Variants in PLCL1 observed in about 807,000 individuals in gnomAD.
The protein encoded by PLCL1 is inactive phospholipase C-like protein 1.
A neutral mutation model predicts 84.4 loss-of-function variants in PLCL1; 41 were observed. That is an observed-to-expected ratio of 0.49 (90% CI 0.38 to 0.63). The LOEUF is 0.63. Among genes scored for constraint, PLCL1 ranks in the 30% least tolerant of loss-of-function variants. The pLI, the probability that PLCL1 is intolerant of heterozygous loss-of-function variation, is 0.00. For missense variants in PLCL1, 1,206 were observed against 1,367.8 expected (o/e 0.88, Z 1.87); for synonymous variants, 490 against 488.3 (o/e 1.00, Z -0.05).
chr2:197,980,027 T>C (rs1209326136), intron 1 of PLCL1, among the ~76,000 whole-genome samples: 1 of 152,058 alleles, frequency 6.6e-6, no homozygotes, highest in Non-Finnish European at 1.5e-5. Flanking sequence ...ATGACAACAT[T>C]GAGGGCAGGG....
rs184492645 is a variant in PLCL1, at chr2:197,805,465, C to T, written c.240+126C>T. On this transcript the variant is annotated intron_variant, in intron 1 of 5. Transcript: ENST00000428675. This position sits in a 1 kb window ranked among gnomAD's most constrained non-coding sequence, Gnocchi z 4.0. ...TTGTTTTCTCCCACCTCCTTCAACGCCAAACCTTCCTTCCTTATCCGGAGG... is the reference window on the plus strand; with the variant it reads ...TTGTTTTCTCCCACCTCCTTCAACGTCAAACCTTCCTTCCTTATCCGGAGG... The T allele has an allele frequency of 4.8e-5, 43 of 888,108 alleles. No individual in the cohort carries two copies. The East Asian group carries it at 1.4e-3, about 29-fold the overall frequency. The allele number at this position is 888,108 out of a possible 1,614,324, so 55.0% of individuals were successfully genotyped here.
chr2:197,947,362 C>T (rs1689300449), intron 1 of PLCL1, among the ~76,000 whole-genome samples: 2 of 151,492 alleles, frequency 1.3e-5, no homozygotes. Context: ...TGGCCCTGTC[C>T]CCAGAGTTTC....
intron 1 of PLCL1, among the ~76,000 whole-genome samples, chr2:198,035,673 C>A (rs1428203208): frequency 3.9e-5 from 6 of 152,136 alleles, no homozygotes; most frequent in African/African-American, 1.4e-4. Context: ...CTGATAAGAA[C>A]AAATAGATGA....
At chr2:198,012,778 G>A (rs919477274) in intron 1 of PLCL1, among the ~76,000 whole-genome samples, 46 of 150,980 alleles carry the variant, frequency 3.0e-4, no homozygotes, top group East Asian at 3.9e-4. Context: ...ACGAGTTTGA[G>A]TAAGAAGCAG....
At chr2:198,041,482 A>G (rs1040935442) in intron 1 of PLCL1, among the ~76,000 whole-genome samples, 1 of 152,186 alleles carries the variant, frequency 6.6e-6, no homozygotes, top group Non-Finnish European at 1.5e-5. Context: ...TCAGTAATTT[A>G]CTAAGCACAT....
At chr2:198,109,478 A>T (rs1171659856) in intron 5 of PLCL1, among the ~76,000 whole-genome samples, 1 of 151,816 alleles carries the variant, frequency 6.6e-6, no homozygotes, top group East Asian at 1.9e-4. Flanking sequence ...CAAAATGGAA[A>T]TTTTTCCTGT....
In PLCL1 at chr2:198,086,083, G is replaced by T; in HGVS notation, c.2566G>T (p.Ala856Ser). ...AACTAATCGAAGTGGAGGAGGAAAGGCACAGAAGCGCAGTCTTTCAGTGAG... is the reference window on the plus strand; with the variant it reads ...AACTAATCGAAGTGGAGGAGGAAAGTCACAGAAGCGCAGTCTTTCAGTGAG... The part of the protein sequence containing the change: ...AITNRSGGGK[A>S]QKRSLSVRMG... The change falls in exon 2 of 6, where the codon GCA (alanine) becomes TCA (serine). Residue 856 changes from alanine to serine, a missense_variant. By Grantham distance (99) the Ala-to-Ser change is moderately conservative. Transcript: ENST00000428675. The T allele has an allele frequency of 6.2e-7, 1 of 1,614,088 alleles. No individual in the cohort carries two copies. Among genetic ancestry groups the T allele is most frequent in the Non-Finnish European group, 8.5e-7 (1 of 1,179,986 alleles).
intron 3 of PLCL1, among the ~76,000 whole-genome samples, chr2:198,098,948 A>G (rs1044509982): frequency 6.6e-6 from 1 of 152,200 alleles, no homozygotes; most frequent in Non-Finnish European, 1.5e-5. Context: ...CATCTAATGC[A>G]TAAAGTAATG....
intron 1 of PLCL1, among the ~76,000 whole-genome samples, chr2:197,885,911 T>A (rs1255345240): frequency 6.6e-6 from 1 of 152,166 alleles, no homozygotes; most frequent in Non-Finnish European, 1.5e-5. Context: ...ACTTGTACAG[T>A]ATCCATTAGA....
At position 198,044,686 on chromosome 2, in the gene PLCL1, T is replaced by G. The variant is rs1195238592; in HGVS notation, c.241-39072T>G. On this transcript the variant is annotated intron_variant, in intron 1 of 5. Coordinates refer to ENST00000428675, the MANE Select transcript of PLCL1 (RefSeq NM_006226.4). Reference sequence around the variant, plus strand: ...GATTTTTAAAAGTGAGTCATTATCATGTAGAAATTTTGAAAAATGGAGAAA... The same window carrying G: ...GATTTTTAAAAGTGAGTCATTATCAGGTAGAAATTTTGAAAAATGGAGAAA... Among the ~76,000 whole-genome samples, 4 of 152,176 alleles carry G rather than the reference T, an allele frequency of 2.6e-5. No homozygotes were observed. In the East Asian group the frequency reaches 7.7e-4, roughly 29 times the overall value.
intron 1 of PLCL1, among the ~76,000 whole-genome samples, chr2:198,030,365 G>A (rs566893389): frequency 6.6e-6 from 1 of 152,122 alleles, no homozygotes; most frequent in East Asian, 1.9e-4. Context: ...AACACTGCCC[G>A]GTGATTGTGT....
intron 1 of PLCL1, among the ~76,000 whole-genome samples, chr2:198,072,848 T>C (rs907152075): frequency 2.0e-5 from 3 of 152,158 alleles, no homozygotes; most frequent in Non-Finnish European, 4.4e-5. Flanking sequence ...AATATATTTC[T>C]TTAATACATT....
At chr2:197,887,526 A>G (rs1168131299) in intron 1 of PLCL1, among the ~76,000 whole-genome samples, 1 of 152,212 alleles carries the variant, frequency 6.6e-6, no homozygotes, top group African/African-American at 2.4e-5. Context: ...CACTGATGGT[A>G]TATGAGAGTA....
chr2:197,910,132 T>C (rs1304449859), intron 1 of PLCL1, among the ~76,000 whole-genome samples: 1 of 152,240 alleles, frequency 6.6e-6, no homozygotes, highest in Non-Finnish European at 1.5e-5. Flanking sequence ...GGTGGGTTAA[T>C]GTATACAAGA....
intron 2 of PLCL1, among the ~76,000 whole-genome samples, chr2:198,088,347 T>G (rs190795571): frequency 3.0e-4 from 45 of 152,346 alleles, no homozygotes; most frequent in African/African-American, 1.1e-3. Context: ...TAATTTCTAT[T>G]TCAAATGAAT....
At chr2:197,942,017 T>C (rs971600311) in intron 1 of PLCL1, among the ~76,000 whole-genome samples, 1 of 152,200 alleles carries the variant, frequency 6.6e-6, no homozygotes, top group Non-Finnish European at 1.5e-5. Context: ...CAGCCTTCCT[T>C]CACTCTTTTC....
At chr2:198,025,998 T>C (rs1444864701) in intron 1 of PLCL1, among the ~76,000 whole-genome samples, 1 of 152,150 alleles carries the variant, frequency 6.6e-6, no homozygotes, top group Non-Finnish European at 1.5e-5. Context: ...TGTTGTCTCT[T>C]TATAGGTTTA....
intron 1 of PLCL1, among the ~76,000 whole-genome samples, chr2:198,017,427 C>T (rs1399209031): frequency 6.6e-6 from 1 of 152,200 alleles, no homozygotes; most frequent in African/African-American, 2.4e-5. Flanking sequence ...GTCTTCCATC[C>T]TATGCAGCTG....
intron 1 of PLCL1, among the ~76,000 whole-genome samples, chr2:197,974,190 C>T (rs1214579829): frequency 6.6e-6 from 1 of 152,126 alleles, no homozygotes. Context: ...GGTTTGGAGA[C>T]TTACCAAGAG....
Sources: allele counts gnomAD v4.1 joint callset (sites outside exome capture counted in the v4.1 genomes callset), GRCh38; gene constraint gnomAD v4.1.1; non-coding constraint Gnocchi (gnomAD v3.1); transcripts MANE v1.5; gene names NCBI Gene and HGNC (gene_info 2026-07-23, HGNC 2026-07-21).